Variants in NFIC observed in about 807,000 individuals in gnomAD.
NFIC encodes the protein nuclear factor 1 C-type.
In NFIC, 12 loss-of-function variants were observed where a neutral mutation model predicts 54.4. The ratio of observed to expected loss-of-function variants is 0.22; its 90% CI spans 0.14 to 0.36. The LOEUF is 0.36. NFIC is among the 10% of genes least tolerant of loss of function. The pLI, the probability that NFIC is intolerant of heterozygous loss-of-function variation, is 1.00. For synonymous variants in NFIC, 322 were observed against 319.2 expected (o/e 1.01, Z -0.09); for missense variants, 575 against 718.2 (o/e 0.80, Z 2.28).
At position 3,464,095 on chromosome 19, in the gene NFIC, C is replaced by T. The variant is rs949090209; in HGVS notation, c.*1326C>T. On this transcript the variant is annotated 3_prime_UTR_variant, in exon 11 of 11. Transcript: ENST00000443272. Reference sequence around the variant, plus strand: ...GGTGCGCCCCCCACGCCTCCGCTGCCAGTGCCTTACATTCTGGAGCGACCC... The same window carrying T: ...GGTGCGCCCCCCACGCCTCCGCTGCTAGTGCCTTACATTCTGGAGCGACCC... 5 of 985,166 alleles carry T rather than the reference C, an allele frequency of 5.1e-6. No homozygotes were observed. In the African/African-American group the frequency reaches 8.7e-5, roughly 17 times the overall value. The allele number at this position is 985,166 out of a possible 1,614,324, so 61.0% of individuals were successfully genotyped here.
chr19:3,420,393 A>C (rs2081933460), intron 2 of NFIC, among the ~76,000 whole-genome samples: 1 of 151,736 alleles, frequency 6.6e-6, no homozygotes, highest in African/African-American at 2.4e-5. Context: ...ATACAACAAA[A>C]ATTAGCTGGG....
intron 1 of NFIC, among the ~76,000 whole-genome samples, chr19:3,360,344 G>T (rs2080794587): frequency 6.7e-6 from 1 of 149,534 alleles, no homozygotes; most frequent in African/African-American, 2.4e-5. Flanking sequence ...GCAGACCCCC[G>T]GCCCCGCTGC....
chr19:3,459,734 T>C lies in NFIC; in HGVS notation c.1510-3018T>C, dbSNP rs894530198. ...ACCACGGGGAGGGTCACGCCCAGAG[T>C]CTGTCGGTTGCCAACAGAAACCAGA... On this transcript the variant is annotated intron_variant, in intron 10 of 10. Coordinates refer to ENST00000443272, the MANE Select transcript of NFIC (RefSeq NM_001245002.2). This position sits in a 1 kb window ranked among gnomAD's most constrained non-coding sequence, Gnocchi z 4.2. Among the ~76,000 whole-genome samples, 4 of 151,756 alleles carry C rather than the reference T, an allele frequency of 2.6e-5. No individual in the cohort carries two copies. The highest frequency in any genetic ancestry group is 6.6e-5 in the Admixed American group (1 of 15,242).
chr19:3,440,188 T>C lies in NFIC; in HGVS notation c.958+4981T>C, dbSNP rs75120645. On this transcript the variant is annotated intron_variant, in intron 6 of 10. Coordinates refer to ENST00000443272, the MANE Select transcript of NFIC (RefSeq NM_001245002.2). ...GTGGTTTGAGGAGTTGCACTGTGGA[T>C]GTTTGGGGCCAGACCATCCTCTGGG... 3.7e-3 allele frequency among the ~76,000 whole-genome samples: 565 copies of C among 152,200 alleles called. 3 individuals carry two copies. Among genetic ancestry groups the C allele is most frequent in the African/African-American group, 0.013 (539 of 41,534 alleles).
chr19:3,433,519 C>G lies in NFIC; in HGVS notation c.636C>G (p.Asp212Glu), dbSNP rs986611605. The change falls in exon 4 of 11, where the codon GAC (aspartate) becomes GAG (glutamate). Residue 212 changes from aspartate to glutamate, a missense_variant and splice_region_variant. Around this residue, in one of 3 missense-constraint regions of NFIC, gnomAD observed 447 missense variants for 526.9 expected, o/e 0.85. Transcript: ENST00000443272. ...GACCCCGCTGTCTTCCTGTTCCAGACACGACCGACTTCCAGGAGAGCTTTG... is the reference window on the plus strand; with the variant it reads ...GACCCCGCTGTCTTCCTGTTCCAGAGACGACCGACTTCCAGGAGAGCTTTG... Reference protein sequence around the residue: ...DQEDSKPITLDTTDFQESFVT... With the variant: ...DQEDSKPITLETTDFQESFVT... The G allele has an allele frequency of 6.2e-7, 1 of 1,613,702 alleles. No homozygotes were observed. Among genetic ancestry groups the G allele is most frequent in the Non-Finnish European group, 8.5e-7 (1 of 1,179,810 alleles).
At chr19:3,389,845 G>A (rs766288700) in intron 2 of NFIC, among the ~76,000 whole-genome samples, 4 of 152,190 alleles carry the variant, frequency 2.6e-5, no homozygotes, top group African/African-American at 7.2e-5. Context: ...TTAGCCAGGC[G>A]TGGTGGTGCA....
Position 3,457,040 on chromosome 19 carries a change from C to T in NFIC, c.1509+405C>T, listed in dbSNP as rs375696967. 2.6e-5 allele frequency among the ~76,000 whole-genome samples: 4 copies of T among 152,294 alleles called. No individual in the cohort carries two copies. In the South Asian group the frequency reaches 8.3e-4, roughly 32 times the overall value. On this transcript the variant is annotated intron_variant, in intron 10 of 10. Transcript: ENST00000443272. ...TCCTCCAGCCTCCATCCCCCATCCA[C>T]GCCGAGGCCTAGAGGGACCGCGGGG...
intron 9 of NFIC, among the ~76,000 whole-genome samples, chr19:3,455,006 C>T (rs1289649243): frequency 1.3e-5 from 2 of 152,226 alleles, no homozygotes; most frequent in African/African-American, 4.8e-5. Flanking sequence ...CTTCCCCTCT[C>T]TGAGCCTCAG....
chr19:3,392,269 A>C (rs2081388342), intron 2 of NFIC, among the ~76,000 whole-genome samples: 1 of 151,938 alleles, frequency 6.6e-6, no homozygotes, highest in Non-Finnish European at 1.5e-5. Context: ...CGGGGGTTTC[A>C]CTATGTTGGC....
chr19:3,449,231 G>C lies in NFIC; in HGVS notation c.1084+92G>C. ...GAAGTCCCACTGGATGTCTGACCAT[G>C]AGTCCTATTGCTGTAGCCTTCTAGG... On this transcript the variant is annotated intron_variant, in intron 7 of 10. Transcript: ENST00000443272. 7 of 1,505,342 alleles carry C rather than the reference G, an allele frequency of 4.7e-6. No homozygotes were observed. The South Asian group carries it at 7.4e-5, about 16-fold the overall frequency. The allele number at this position is 1,505,342 out of a possible 1,614,324, so 93.2% of individuals were successfully genotyped here. A position where few individuals can be genotyped will look rare whatever the true frequency, so the allele number is the denominator to read the frequency against.
rs2082733830 is a variant in NFIC at position 3,467,740 on chromosome 19, G to C, written c.*4971G>C. Reference sequence around the variant, plus strand: ...CTCCCCAATGGTACTTTGACCTCCAGTGTAGGGCTATACTATACATATATA... The same window carrying C: ...CTCCCCAATGGTACTTTGACCTCCACTGTAGGGCTATACTATACATATATA... On this transcript the variant is annotated 3_prime_UTR_variant, in exon 11 of 11. Transcript: ENST00000443272. The C allele has an allele frequency of 1.0e-5, 1 of 95,840 alleles. No individual in the cohort carries two copies. Among genetic ancestry groups the C allele is most frequent in the African/African-American group, 5.6e-5 (1 of 17,998 alleles). The allele number at this position is 95,840 out of a possible 1,614,324, so 5.9% of individuals were successfully genotyped here.
At chr19:3,460,211 G>A (rs1446502465) in intron 10 of NFIC, among the ~76,000 whole-genome samples, 3 of 152,216 alleles carry the variant, frequency 2.0e-5, no homozygotes, top group Middle Eastern at 6.3e-3. Flanking sequence ...GGCCATCCGG[G>A]GGACCTGTGA....
chr19:3,415,207 G>A (rs2081834134), intron 2 of NFIC, among the ~76,000 whole-genome samples: 1 of 150,974 alleles, frequency 6.6e-6, no homozygotes, highest in African/African-American at 2.4e-5. Flanking sequence ...CCACCTGCCA[G>A]GTTCAAACAA....
rs142929291 is a variant in NFIC, at chr19:3,434,704, C to T, written c.833+304C>T. On this transcript the variant is annotated intron_variant, in intron 5 of 10. Transcript: ENST00000443272. ...GTTGCTGAGATATGCTTTGTGACCT[C>T]GAGCAGGTCACACTGTGTGTGCCCC... Among the ~76,000 whole-genome samples, 968 of 152,270 alleles carry T rather than the reference C, an allele frequency of 6.4e-3. 4 individuals are homozygous for T. The highest frequency in any genetic ancestry group is 0.011 in the Non-Finnish European group (752 of 68,014).
Position 3,453,962 on chromosome 19 carries a change from G to A in NFIC, c.1423+46G>A, listed in dbSNP as rs750691349. 3.4e-6 allele frequency: 5 copies of A among 1,470,806 alleles called. No individual in the cohort carries two copies. The African/African-American group carries it at 7.2e-5, about 21-fold the overall frequency. 91.1% of individuals were successfully genotyped at this position (1,470,806 alleles called of 1,614,324 possible). On this transcript the variant is annotated intron_variant, in intron 9 of 10. Coordinates refer to ENST00000443272, the MANE Select transcript of NFIC (RefSeq NM_001245002.2). This position sits in a 1 kb window ranked among gnomAD's most constrained non-coding sequence, Gnocchi z 6.7. ...GCCCTGGTGGGGCGGATGTCCGCAG[G>A]GGGGCCTGTCCCCTCCCCAGCCCCA... is the stretch of plus-strand genomic sequence containing the variant.
chr19:3,434,541 A>G lies in NFIC; in HGVS notation c.833+141A>G, dbSNP rs1051863797. On this transcript the variant is annotated intron_variant, in intron 5 of 10. Transcript: ENST00000443272. ...GGCCTGAGAAACTCCTACTCATCTC[A>G]TCCTTCAAAACCCAGCCAGCCCCAC... 4.7e-6 allele frequency: 6 copies of G among 1,279,960 alleles called. No individual in the cohort carries two copies. In the Admixed American group the frequency reaches 1.5e-4, roughly 31 times the overall value. The allele number at this position is 1,279,960 out of a possible 1,614,324, so 79.3% of individuals were successfully genotyped here.
At chr19:3,456,665 G>A in intron 10 of NFIC, 30 bp downstream of exon 10, 2 of 1,442,376 alleles carry the variant, frequency 1.4e-6, no homozygotes, top group Middle Eastern at 2.1e-4. Flanking sequence ...CTGGTGGGGT[G>A]GGAGGGGCAG....
rs2082691056 is a variant in NFIC, at chr19:3,464,586, C to T, written c.*1817C>T. The T allele has an allele frequency of 8.8e-6, 8 of 907,230 alleles. No homozygotes were observed. Among genetic ancestry groups the T allele is most frequent in the East Asian group, 1.2e-4 (1 of 8,250 alleles). The allele number at this position is 907,230 out of a possible 1,614,324, so 56.2% of individuals were successfully genotyped here. ...TAGGGAAAAACTCCCCCCACCACTG[C>T]CCCCTCCCCCGACCCAGGCCAAAGC... On this transcript the variant is annotated 3_prime_UTR_variant, in exon 11 of 11. Coordinates refer to ENST00000443272, the MANE Select transcript of NFIC (RefSeq NM_001245002.2).
intron 3 of NFIC, among the ~76,000 whole-genome samples, chr19:3,427,813 CAAA>C (rs35768795): frequency 7.8e-5 from 6 of 76,832 alleles, no homozygotes; most frequent in Non-Finnish European, 8.0e-5. Context: ...GAGACTCTGT[CAAA>C]AAAAAAAAAA....
Sources: allele counts gnomAD v4.1 joint callset (sites outside exome capture counted in the v4.1 genomes callset), GRCh38; gene constraint gnomAD v4.1.1; regional missense constraint gnomAD v4.1.1; non-coding constraint Gnocchi (gnomAD v3.1); transcripts MANE v1.5; gene names NCBI Gene and HGNC (gene_info 2026-07-23, HGNC 2026-07-21).